KIAA1217: variants seen among roughly 807,000 people sequenced by gnomAD.
KIAA1217 encodes the protein sickle tail protein homolog.
A neutral mutation model predicts 163.9 loss-of-function variants in KIAA1217; 88 were observed. The observed-to-expected ratio is 0.54, with a 90% CI of 0.45 to 0.64. The LOEUF (loss-of-function observed/expected upper bound fraction) is 0.64, where lower values mean the gene tolerates loss of function less well. Ranked by LOEUF, KIAA1217 falls within the 30% of genes least tolerant of loss-of-function variation. KIAA1217 has a pLI of 0.00. For synonymous variants in KIAA1217, 903 were observed against 923.1 expected (o/e 0.98, Z 0.39); for missense variants, 2,372 against 2,475.0 (o/e 0.96, Z 0.88).
intron 5 of KIAA1217, among the ~76,000 whole-genome samples, chr10:24,442,359 G>T (rs977412988): frequency 5.3e-5 from 8 of 151,838 alleles, no homozygotes; most frequent in Admixed American, 3.9e-4. Context: ...TATTTGTTTT[G>T]TTTTTTTAAA....
At chr10:23,845,882 T>G (rs1839002911) in intron 1 of KIAA1217, among the ~76,000 whole-genome samples, 1 of 152,228 alleles carries the variant, frequency 6.6e-6, no homozygotes. Context: ...GCTTAAGTCC[T>G]TAATCCACCT....
intron 2 of KIAA1217, chr10:24,367,211 A>T (rs950552757): frequency 2.1e-5 from 20 of 968,514 alleles, no homozygotes; most frequent in Non-Finnish European, 2.5e-5. Flanking sequence ...TTAGTACTCT[A>T]CCTGTTCTTT....
chr10:23,848,877 A>G (rs1011428411), intron 1 of KIAA1217, among the ~76,000 whole-genome samples: 1 of 152,016 alleles, frequency 6.6e-6, no homozygotes, highest in African/African-American at 2.4e-5. Flanking sequence ...AGCACTATTT[A>G]CCTCATCCTC....
rs1840478074 is a variant in KIAA1217 at position 23,872,004 on chromosome 10, A to G, written c.-320-135221A>G. Among the ~76,000 whole-genome samples the G allele has an allele frequency of 2.6e-5, 4 of 152,034 alleles. No individual in the cohort carries two copies. The South Asian group carries it at 8.3e-4, about 32-fold the overall frequency. ...CAGAGGCCCATTCTTCTCCATTTTT[A>G]TTCAGCTTTTCTGAGAAGATCAAGC... On this transcript the variant is annotated intron_variant, in intron 1 of 18. Coordinates refer to the KIAA1217 transcript ENST00000376462.
intron 16 of KIAA1217, among the ~76,000 whole-genome samples, chr10:24,535,173 T>C (rs1435617884): frequency 2.0e-5 from 3 of 152,140 alleles, no homozygotes; most frequent in Non-Finnish European, 4.4e-5. Context: ...TCAAAGGAGA[T>C]GGCAATTGGC....
intron 1 of KIAA1217, among the ~76,000 whole-genome samples, chr10:23,926,610 A>C (rs1393605104): frequency 6.6e-6 from 1 of 152,094 alleles, no homozygotes; most frequent in Non-Finnish European, 1.5e-5. Flanking sequence ...CTGTAATCCC[A>C]GCTACTCAGG....
chr10:24,245,291 G>A (rs1190997093), intron 2 of KIAA1217, among the ~76,000 whole-genome samples: 2 of 152,152 alleles, frequency 1.3e-5, no homozygotes, highest in Non-Finnish European at 2.9e-5. Flanking sequence ...TCGAAGTGAC[G>A]ATAGGAGTCC....
At chr10:23,859,654 T>G (rs1839864352) in intron 1 of KIAA1217, among the ~76,000 whole-genome samples, 1 of 152,200 alleles carries the variant, frequency 6.6e-6, no homozygotes, top group African/African-American at 2.4e-5. Context: ...CGAACTTTGT[T>G]ACTTTTGGCC....
intron 2 of KIAA1217, among the ~76,000 whole-genome samples, chr10:24,310,307 G>T (rs2042539837): frequency 6.6e-6 from 1 of 152,170 alleles, no homozygotes; most frequent in Non-Finnish European, 1.5e-5. Flanking sequence ...ACAACTCGAT[G>T]AGGTAAGTGC....
In KIAA1217 at chr10:24,543,255, A is replaced by C; in HGVS notation, c.3985A>C (p.Ser1329Arg). 1 of 1,614,110 alleles carries C rather than the reference A, an allele frequency of 6.2e-7. No individual in the cohort carries two copies. Among genetic ancestry groups the C allele is most frequent in the South Asian group, 1.1e-5 (1 of 91,080 alleles). Residue 1329 changes from serine (S) to arginine (R), a missense_variant, in exon 19 of 21, where the codon AGC (serine) becomes CGC (arginine). This residue lies in a region of KIAA1217 where 251 missense variants were observed against 327.3 expected (regional missense o/e 0.77). Transcript: ENST00000376454. The part of the protein sequence containing the change: ...VSSHTRLTES[S>R]VHDFKTEDQE... ...CTCTCACACTAGACTAACAGAATCA[A>C]GCGTGCATGATTTTAAAACAGAAGA...
intron 2 of KIAA1217, among the ~76,000 whole-genome samples, chr10:24,375,109 A>T (rs1245044257): frequency 1.3e-5 from 2 of 152,172 alleles, no homozygotes; most frequent in African/African-American, 4.8e-5. Context: ...TTCGAAATAT[A>T]CACCTGGCTG....
intron 2 of KIAA1217, among the ~76,000 whole-genome samples, chr10:24,096,365 C>T (rs1019782607): frequency 2.6e-5 from 4 of 152,150 alleles, no homozygotes; most frequent in Non-Finnish European, 4.4e-5. Context: ...TACCCTGGTC[C>T]AGGGTGCCAC....
At chr10:23,812,521 A>T (rs1379902416) in intron 1 of KIAA1217, among the ~76,000 whole-genome samples, 1 of 152,206 alleles carries the variant, frequency 6.6e-6, no homozygotes, top group East Asian at 1.9e-4. Flanking sequence ...AGCTCTATTG[A>T]AATAGTATAA....
intron 2 of KIAA1217, among the ~76,000 whole-genome samples, chr10:24,016,701 C>T (rs1293649717): frequency 1.3e-5 from 2 of 152,052 alleles, no homozygotes; most frequent in Admixed American, 6.6e-5. Flanking sequence ...TCATTACTTA[C>T]TTGCTTTTTA....
intron 2 of KIAA1217, among the ~76,000 whole-genome samples, chr10:24,295,807 C>T (rs537543782): frequency 6.6e-6 from 1 of 152,184 alleles, no homozygotes; most frequent in Non-Finnish European, 1.5e-5. Flanking sequence ...CTAAATGCCA[C>T]CTTCTTCATC....
chr10:24,001,094 A>C (rs539741338), intron 1 of KIAA1217, among the ~76,000 whole-genome samples: 1 of 152,240 alleles, frequency 6.6e-6, no homozygotes, highest in East Asian at 1.9e-4. Flanking sequence ...ACACACACAC[A>C]CAGCTGCTTT....
At chr10:24,368,321 C>A (rs1247139645) in intron 2 of KIAA1217, among the ~76,000 whole-genome samples, 4 of 152,154 alleles carry the variant, frequency 2.6e-5, no homozygotes, top group Non-Finnish European at 5.9e-5. Flanking sequence ...TTTATTCCTA[C>A]TTTCAGAATA....
chr10:23,993,029 CTTTTTTTTT>C (rs1188657000), intron 1 of KIAA1217, among the ~76,000 whole-genome samples: 7 of 118,628 alleles, frequency 5.9e-5, no homozygotes, highest in African/African-American at 2.3e-4. Flanking sequence ...TGATAGCTTC[CTTTTTTTTT>C]TTTTTTTTTT....
Position 24,545,913 on chromosome 10 carries a change from C to A in KIAA1217, c.5421C>A (p.Pro1807=). The change falls in exon 21 of 21, where the codon CCC becomes CCA. Residue 1807 remains proline (P), a synonymous_variant. Transcript: ENST00000376454. Reference sequence around the variant, plus strand: ...CTTCTAAGATTCCAGCCCTTTCTCCCAGCTCTGGGAAAAGCAGTTCTCTGC... The same window carrying A: ...CTTCTAAGATTCCAGCCCTTTCTCCAAGCTCTGGGAAAAGCAGTTCTCTGC... ...LPASKIPALS[P]SSGKSSSLPS... 1 of 1,614,138 alleles carries A rather than the reference C, an allele frequency of 6.2e-7. No individual in the cohort carries two copies. Among genetic ancestry groups the A allele is most frequent in the Non-Finnish European group, 8.5e-7 (1 of 1,180,028 alleles).
Sources: gnomAD v4.1 joint callset for allele counts (sites outside exome capture counted in the v4.1 genomes callset) on GRCh38, gnomAD v4.1.1 for gene constraint, gnomAD v4.1.1 regional missense constraint, MANE v1.5 for transcripts, NCBI Gene and HGNC (gene_info 2026-07-23, HGNC 2026-07-21) for gene names.